GATAD1: variants seen among roughly 807,000 people sequenced by gnomAD.
The protein encoded by GATAD1 is GATA zinc finger domain-containing protein 1.
A neutral mutation model predicts 26.5 loss-of-function variants in GATAD1; 12 were observed. The observed-to-expected ratio is 0.45, with a 90% CI of 0.29 to 0.73. The LOEUF (loss-of-function observed/expected upper bound fraction) is 0.73, where lower values mean the gene tolerates loss of function less well. Ranked by LOEUF, GATAD1 falls within the 30% of genes least tolerant of loss-of-function variation. GATAD1 has a pLI of 0.10. For missense variants in GATAD1, 266 were observed against 342.1 expected (o/e 0.78, Z 1.75); for synonymous variants, 129 against 133.1 (o/e 0.97, Z 0.21).
chr7:92,475,345 T>G, the GATAD1 span: 3 of 151,942 alleles, frequency 2.0e-5, no homozygotes, highest in Non-Finnish European at 4.4e-5. Flanking sequence ...ACCCTAGTCA[T>G]TTTCCGATGA....
chr7:92,468,367 T>C, the GATAD1 span: 6 of 168,734 alleles, frequency 3.6e-5, no homozygotes, highest in East Asian at 8.6e-4. Context: ...GTAAGAAACA[T>C]GGACCAGAAG....
chr7:92,493,373 G>A, the GATAD1 span: 4 of 240,194 alleles, frequency 1.7e-5, no homozygotes, highest in African/African-American at 4.6e-5. Context: ...GGTGGCTCAC[G>A]CCTGTAATCC....
At chr7:92,462,368 TAAAA>T (rs143310054), downstream of GATAD1, among the ~76,000 whole-genome samples, 1 of 141,170 alleles carries the variant, frequency 7.1e-6, no homozygotes, top group African/African-American at 2.6e-5. Context: ...TCTGATTTTG[TAAAA>T]AAAAAAAACA....
chr7:92,454,229 A>T (rs1789566906), intron 3 of GATAD1: 8 of 362,680 alleles, frequency 2.2e-5, no homozygotes, highest in Non-Finnish European at 3.5e-5. Flanking sequence ...TGGGGATGGT[A>T]TTACGGCAAT....
chr7:92,475,348 T>A, the GATAD1 span: 1 of 152,194 alleles, frequency 6.6e-6, no homozygotes, highest in Non-Finnish European at 1.5e-5. Context: ...CTAGTCATTT[T>A]CCGATGAGCT....
the GATAD1 span, among the ~76,000 whole-genome samples, chr7:92,466,906 A>G: frequency 6.6e-6 from 1 of 152,010 alleles, no homozygotes; most frequent in African/African-American, 2.4e-5. Context: ...CTCCCACAGA[A>G]ACTGGAAGAT....
In GATAD1 at chr7:92,459,263, T is replaced by A. The variant is rs1388016407; in HGVS notation, c.*2701T>A. ...AAAGATTTTGGAGTAGATTCATCAT[T>A]AATAAGTAACAGATTTTAGGAAAAT... On this transcript the variant is annotated 3_prime_UTR_variant, in exon 5 of 5. Coordinates refer to ENST00000287957, the MANE Select transcript of GATAD1 (RefSeq NM_021167.5). 6.6e-6 allele frequency: 1 copy of A among 151,820 alleles called. No homozygotes were observed. The highest frequency in any genetic ancestry group is 2.4e-5 in the African/African-American group (1 of 41,350). 9.4% of individuals were successfully genotyped at this position (151,820 alleles called of 1,614,324 possible). A position where few individuals can be genotyped will look rare whatever the true frequency, so the allele number is the denominator to read the frequency against.
the GATAD1 span, among the ~76,000 whole-genome samples, chr7:92,467,186 A>G: frequency 6.6e-6 from 1 of 152,026 alleles, no homozygotes; most frequent in Non-Finnish European, 1.5e-5. Context: ...AGGCATGGTG[A>G]CACATGCCTG....
At chr7:92,470,306 G>A in the GATAD1 span, 937 of 776,796 alleles carry the variant, frequency 1.2e-3, no homozygotes, top group Non-Finnish European at 1.8e-3. Flanking sequence ...GTCATACAGC[G>A]GCATGGAGGG....
chr7:92,469,927 G>A, the GATAD1 span: 2 of 778,434 alleles, frequency 2.6e-6, no homozygotes, highest in South Asian at 2.7e-5. Context: ...ATGTAGTTTT[G>A]AGAGATCTAG....
the GATAD1 span, among the ~76,000 whole-genome samples, chr7:92,466,363 T>C: frequency 1.3e-5 from 2 of 152,116 alleles, no homozygotes; most frequent in Middle Eastern, 3.4e-3. Flanking sequence ...TCTCACTATA[T>C]TGCTTAGGCT....
At chr7:92,491,337 T>A in the GATAD1 span, 2,190 of 1,614,026 alleles carry the variant, frequency 1.4e-3, 10 homozygotes, top group South Asian at 4.1e-3. Flanking sequence ...AGCCGGTACA[T>A]ATTGAATTTT....
chr7:92,473,608 AGG>A, the GATAD1 span, among the ~76,000 whole-genome samples: 1 of 151,864 alleles, frequency 6.6e-6, no homozygotes, highest in African/African-American at 2.4e-5. Context: ...CTCCCTAACA[AGG>A]TAGTGGGGCT....
At chr7:92,456,210 G>A (rs1434770270) in intron 4 of GATAD1, among the ~76,000 whole-genome samples, 162 bp from the exon 5 acceptor site, 1 of 152,152 alleles carries the variant, frequency 6.6e-6, no homozygotes, top group Admixed American at 6.5e-5. Context: ...CGTTAAAGAA[G>A]AAAAAATGAT....
At position 92,447,570 on chromosome 7, in the gene GATAD1, G is replaced by A; in HGVS notation, c.-160G>A. On this transcript the variant is annotated 5_prime_UTR_variant, in exon 1 of 5. Transcript: ENST00000287957. ...GCGGAACCCGCTTCCCGCCTCCACG[G>A]GGCAGCGCCAGCGGCCTGGTCCTTT... 2 of 982,766 alleles carry A rather than the reference G, an allele frequency of 2.0e-6. No homozygotes were observed. The allele number at this position is 982,766 out of a possible 1,614,324, so 60.9% of individuals were successfully genotyped here. A position where few individuals can be genotyped will look rare whatever the true frequency, so the allele number is the denominator to read the frequency against.
chr7:92,480,074 T>C, the GATAD1 span, among the ~76,000 whole-genome samples: 2 of 152,150 alleles, frequency 1.3e-5, no homozygotes, highest in Non-Finnish European at 2.9e-5. Context: ...CATTAGTCCA[T>C]TCTACCTTTC....
intron 4 of GATAD1, among the ~76,000 whole-genome samples, chr7:92,455,015 G>C (rs1164072582): frequency 6.6e-6 from 1 of 151,810 alleles, no homozygotes; most frequent in African/African-American, 2.4e-5. Context: ...CCACCCTTAT[G>C]GTTTCATTTA....
At chr7:92,483,390 A>G in the GATAD1 span, among the ~76,000 whole-genome samples, 1 of 152,234 alleles carries the variant, frequency 6.6e-6, no homozygotes, top group Non-Finnish European at 1.5e-5. Flanking sequence ...ATACGTTGCT[A>G]CTTGGCTGCC....
downstream of GATAD1, among the ~76,000 whole-genome samples, chr7:92,464,685 A>G (rs1019182306): frequency 8.5e-5 from 13 of 152,222 alleles, no homozygotes; most frequent in Admixed American, 6.5e-4. Context: ...TGCATGCTTC[A>G]GCTTGCAGGG....
Sources: allele counts gnomAD v4.1 joint callset (sites outside exome capture counted in the v4.1 genomes callset), GRCh38; gene constraint gnomAD v4.1.1; transcripts MANE v1.5; gene names NCBI Gene and HGNC (gene_info 2026-07-23, HGNC 2026-07-21).